SPTSSB: variants seen among roughly 807,000 people sequenced by gnomAD.
SPTSSB encodes serine palmitoyltransferase small subunit B, also known as androgen down regulated in mouse prostate.
SPTSSB carries 6 observed loss-of-function variants against 7.7 expected under a neutral mutation model. The ratio of observed to expected loss-of-function variants is 0.78; its 90% CI spans 0.43 to 1.54. The LOEUF is 1.54. SPTSSB is among the 40% of genes most tolerant of loss of function. SPTSSB has a pLI of 0.01. For synonymous variants in SPTSSB, 28 were observed against 29.7 expected (o/e 0.94, Z 0.19); for missense variants, 91 against 93.0 (o/e 0.98, Z 0.09).
chr3:161,358,540 G>A (rs1434742408), intron 2 of SPTSSB, among the ~76,000 whole-genome samples: 2 of 152,156 alleles, frequency 1.3e-5, no homozygotes, highest in East Asian at 3.9e-4. Context: ...GAAGAGCTAA[G>A]TGAATGTTAG....
At chr3:161,366,210 A>G (rs926453898) in intron 1 of SPTSSB, among the ~76,000 whole-genome samples, 1 of 152,246 alleles carries the variant, frequency 6.6e-6, no homozygotes, top group African/African-American at 2.4e-5. Context: ...AGACTACAAG[A>G]ATCCAGGACA....
intron 2 of SPTSSB, among the ~76,000 whole-genome samples, chr3:161,357,712 T>G (rs1205729561): frequency 6.6e-6 from 1 of 152,028 alleles, no homozygotes; most frequent in African/African-American, 2.4e-5. Flanking sequence ...TAAGGACAAC[T>G]GTTTTTAAAA....
chr3:161,371,289 C>T (rs1395832951), intron 1 of SPTSSB, 146 bp downstream of exon 1: 3 of 551,920 alleles, frequency 5.4e-6, no homozygotes, highest in Non-Finnish European at 6.9e-6. Context: ...AAAAATCCAT[C>T]AATTCTGAAA....
intron 2 of SPTSSB, among the ~76,000 whole-genome samples, chr3:161,354,052 G>A (rs1176171099): frequency 2.6e-5 from 4 of 152,018 alleles, no homozygotes; most frequent in African/African-American, 4.8e-5. Context: ...GAAGAAAATC[G>A]AACAACCATA....
chr3:161,365,593 C>G (rs1001574654), intron 1 of SPTSSB, among the ~76,000 whole-genome samples: 3 of 152,206 alleles, frequency 2.0e-5, no homozygotes, highest in African/African-American at 7.2e-5. Context: ...ACCTAAGTGC[C>G]TACCACATAG....
At chr3:161,347,521 C>T (rs530446192) in intron 2 of SPTSSB, among the ~76,000 whole-genome samples, 5 of 152,050 alleles carry the variant, frequency 3.3e-5, no homozygotes, top group African/African-American at 1.2e-4. Context: ...CTCAGCCTCT[C>T]AAAGTGCTGG....
At chr3:161,364,086 G>A (rs1715120731) in intron 1 of SPTSSB, among the ~76,000 whole-genome samples, 1 of 152,112 alleles carries the variant, frequency 6.6e-6, no homozygotes, top group Non-Finnish European at 1.5e-5. Context: ...ATATGTTTGT[G>A]TAGATCCTGT....
At chr3:161,369,244 CTCTTTCTT>C (rs377026665) in intron 1 of SPTSSB, among the ~76,000 whole-genome samples, 1 of 151,162 alleles carries the variant, frequency 6.6e-6, no homozygotes, top group African/African-American at 2.4e-5. Flanking sequence ...TTGCTATTAT[CTCTTTCTT>C]TCTTTCTTTC....
chr3:161,364,210 G>A (rs534461831), intron 1 of SPTSSB, among the ~76,000 whole-genome samples: 35 of 152,052 alleles, frequency 2.3e-4, no homozygotes, highest in Non-Finnish European at 3.1e-4. Context: ...GAGACCAAAG[G>A]AAAGTTCTGC....
At position 161,346,140 on chromosome 3, in the gene SPTSSB, C is replaced by G. The variant is rs1291782930; in HGVS notation, c.184G>C (p.Glu62Gln). 6.2e-7 allele frequency: 1 copy of G among 1,611,060 alleles called. No homozygotes were observed. Among genetic ancestry groups the G allele is most frequent in the South Asian group, 1.1e-5 (1 of 90,998 alleles). Residue 62 changes from glutamate (E) to glutamine (Q), a missense_variant, in exon 3 of 3, where the codon GAA becomes CAA. By Grantham distance (29) the Glu-to-Gln change is conservative. Transcript: ENST00000620149. ...FIPIHIRLAW[E>Q]FFSKICGYHS... ...TATCCACATATTTTTGAGAAAAATT[C>G]CCAAGCCAGGCGAATGTGGATTGGA...
intron 2 of SPTSSB, chr3:161,359,231 T>C (rs1185641730): frequency 6.6e-6 from 1 of 152,220 alleles, no homozygotes; most frequent in East Asian, 1.9e-4. Context: ...TTTTGGAAAA[T>C]AGTGTTTTCA....
chr3:161,355,358 T>G (rs1285308659), intron 2 of SPTSSB, among the ~76,000 whole-genome samples: 2 of 152,174 alleles, frequency 1.3e-5, no homozygotes, highest in Non-Finnish European at 2.9e-5. Flanking sequence ...AACAATGGCA[T>G]TAAAGCCACC....
chr3:161,352,819 T>C (rs1029706907), intron 2 of SPTSSB, among the ~76,000 whole-genome samples: 1 of 152,222 alleles, frequency 6.6e-6, no homozygotes, highest in African/African-American at 2.4e-5. Flanking sequence ...TTTAAAAATA[T>C]ATATAACAAA....
chr3:161,347,007 G>C lies in SPTSSB; in HGVS notation c.-32-652C>G, dbSNP rs146172971. Among the ~76,000 whole-genome samples, 606 of 152,272 alleles carry C rather than the reference G, an allele frequency of 4.0e-3. 6 individuals carry two copies. The highest frequency in any genetic ancestry group is 0.014 in the African/African-American group (575 of 41,558). On this transcript the variant is annotated intron_variant, in intron 2 of 2. Transcript: ENST00000620149. ...ACCTCTGAGTTAGGGCAATGCTGTG[G>C]TGGGTTTGAGAGGAGGAGGCTTTAA...
chr3:161,362,868 AGTT>A (rs1321371562), intron 1 of SPTSSB, among the ~76,000 whole-genome samples: 6 of 152,148 alleles, frequency 3.9e-5, no homozygotes, highest in Non-Finnish European at 7.4e-5. Flanking sequence ...ACTTATAAGA[AGTT>A]GTTGAATTTT....
intron 2 of SPTSSB, among the ~76,000 whole-genome samples, chr3:161,357,035 G>A (rs1187328708): frequency 6.6e-6 from 1 of 151,996 alleles, no homozygotes; most frequent in Non-Finnish European, 1.5e-5. Context: ...GGAGAACTAG[G>A]CGGATCAGGC....
chr3:161,361,652 G>T (rs1715021267), intron 1 of SPTSSB, among the ~76,000 whole-genome samples: 1 of 152,172 alleles, frequency 6.6e-6, no homozygotes, highest in South Asian at 2.1e-4. Context: ...AAGGTCCTTA[G>T]TGATGACTGG....
intron 2 of SPTSSB, 81 bp downstream of exon 2, chr3:161,359,721 T>G (rs768382810): frequency 1.0e-6 from 1 of 985,260 alleles, no homozygotes; most frequent in African/African-American, 1.7e-5. Context: ...GAGAACTAGA[T>G]GTGTTAATGA....
Position 161,345,753 on chromosome 3 carries a change from G to C in SPTSSB, c.*340C>G, listed in dbSNP as rs1201491628. On this transcript the variant is annotated 3_prime_UTR_variant, in exon 3 of 3. Transcript: ENST00000620149. ...AGTGTCAAGGGAGCACTTTAAGCAT[G>C]ATTCTGGTAGGTCTGTTAGGAGTCT... The C allele has an allele frequency of 4.8e-6, 1 of 207,682 alleles. No homozygotes were observed. Among genetic ancestry groups the C allele is most frequent in the East Asian group, 1.2e-4 (1 of 8,016 alleles). 12.9% of individuals were successfully genotyped at this position (207,682 alleles called of 1,614,324 possible). A position where few individuals can be genotyped will look rare whatever the true frequency, so the allele number is the denominator to read the frequency against.
Sources: gnomAD v4.1 joint callset for allele counts (sites outside exome capture counted in the v4.1 genomes callset) on GRCh38, gnomAD v4.1.1 for gene constraint, MANE v1.5 for transcripts, NCBI Gene and HGNC (gene_info 2026-07-23, HGNC 2026-07-21) for gene names.